The following THADA variants were observed in gnomAD, a reference collection of about 807,000 sequenced individuals.
The protein encoded by THADA is THADA armadillo repeat containing.
In THADA, 213 loss-of-function variants were observed where a neutral mutation model predicts 219.8. The observed-to-expected ratio is 0.97, with a 90% confidence interval of 0.87 to 1.09. THADA has a LOEUF of 1.09. Ranked by LOEUF, THADA falls within the 50% of genes least tolerant of loss-of-function variation. THADA has a pLI of 0.00. For synonymous variants in THADA, 1,018 were observed against 828.9 expected (o/e 1.23, Z -3.92); for missense variants, 2,956 against 2,311.3 (o/e 1.28, Z -5.72).
At chr2:43,337,698 C>A (rs922755798) in intron 30 of THADA, among the ~76,000 whole-genome samples, 26 of 150,276 alleles carry the variant, frequency 1.7e-4, no homozygotes, top group Non-Finnish European at 3.0e-5. Flanking sequence ...CACTCATACA[C>A]ACACACACAC....
At position 43,287,413 on chromosome 2, in the gene THADA, G is replaced by C. The variant is rs544654366; in HGVS notation, c.5011-352C>G. ...GGGTTAAAGTGATTCTCTTGCTTCA[G>C]CCTTCCGAGTAGCTGAAAGTACAGG... On this transcript the variant is annotated intron_variant, in intron 34 of 37. Transcript: ENST00000405975. Among the ~76,000 whole-genome samples, 14 of 152,216 alleles carry C rather than the reference G, an allele frequency of 9.2e-5. 2 individuals carry two copies. In the East Asian group the frequency reaches 2.7e-3, roughly 29 times the overall value.
At chr2:43,337,769 C>A (rs1254009742) in intron 30 of THADA, among the ~76,000 whole-genome samples, 1 of 151,888 alleles carries the variant, frequency 6.6e-6, no homozygotes, top group East Asian at 1.9e-4. Context: ...CGACACTAAA[C>A]AAATGGGAAA....
At chr2:43,382,997 A>G (rs1672223774) in intron 29 of THADA, among the ~76,000 whole-genome samples, 1 of 152,204 alleles carries the variant, frequency 6.6e-6, no homozygotes, top group African/African-American at 2.4e-5. Flanking sequence ...CTCAATATCA[A>G]TGTTTTAATT....
intron 22 of THADA, among the ~76,000 whole-genome samples, chr2:43,522,907 C>A (rs571809499): frequency 1.3e-5 from 2 of 150,928 alleles, no homozygotes; most frequent in South Asian, 2.1e-4. Flanking sequence ...GGCAACACAG[C>A]GAGACTCCAT....
At chr2:43,584,956 C>G (rs967646714) in intron 7 of THADA, among the ~76,000 whole-genome samples, 1 of 152,206 alleles carries the variant, frequency 6.6e-6, no homozygotes, top group East Asian at 1.9e-4. Context: ...AATACATGCA[C>G]AGTGCACGCC....
chr2:43,443,392 T>C (rs1681097585), intron 26 of THADA, among the ~76,000 whole-genome samples: 1 of 152,188 alleles, frequency 6.6e-6, no homozygotes, highest in South Asian at 2.1e-4. Flanking sequence ...CTGCCAGAGC[T>C]TGAAATGTTC....
At chr2:43,566,245 A>C (rs780782962) in intron 15 of THADA, 1 of 486,624 alleles carries the variant, frequency 2.1e-6, no homozygotes, top group Non-Finnish European at 3.7e-6. Context: ...TTACATCCTC[A>C]TATTGTCTTT....
At chr2:43,508,816 G>A (rs751053958) in intron 22 of THADA, 36 bp from the exon 23 acceptor site, 10 of 1,605,360 alleles carry the variant, frequency 6.2e-6, no homozygotes, top group African/African-American at 1.3e-5. Flanking sequence ...TCGGAATTAG[G>A]TATCAAAGTT....
intron 31 of THADA, among the ~76,000 whole-genome samples, chr2:43,310,201 C>A (rs1352589297): frequency 2.5e-5 from 2 of 80,092 alleles, no homozygotes; most frequent in African/African-American, 5.5e-5. Context: ...TTTCTTTCCT[C>A]CCTCCCTCCC....
chr2:43,589,674 A>T (rs1456038548), intron 4 of THADA, among the ~76,000 whole-genome samples: 2 of 152,152 alleles, frequency 1.3e-5, no homozygotes, highest in African/African-American at 4.8e-5. Flanking sequence ...GCCTTTGGAG[A>T]CTCAGGGGAA....
At chr2:43,586,616 A>T in intron 6 of THADA, 86 bp downstream of exon 6, 1 of 1,449,944 alleles carries the variant, frequency 6.9e-7, no homozygotes, top group Non-Finnish European at 9.4e-7. Context: ...TGCTCTACCT[A>T]TTACCAAGAA....
chr2:43,583,917 G>A (rs963501870), intron 7 of THADA, among the ~76,000 whole-genome samples: 1 of 151,774 alleles, frequency 6.6e-6, no homozygotes, highest in African/African-American at 2.4e-5. Context: ...GCGGACGTCT[G>A]TGGGCCCAGC....
chr2:43,505,883 C>G, intron 23 of THADA, 148 bp from the exon 24 acceptor site: 1 of 627,100 alleles, frequency 1.6e-6, no homozygotes, highest in Non-Finnish European at 2.8e-6. Context: ...TGGCCGTGGG[C>G]AAGTGGTTTA....
intron 29 of THADA, among the ~76,000 whole-genome samples, chr2:43,388,870 T>A (rs1354375954): frequency 6.6e-6 from 1 of 152,178 alleles, no homozygotes; most frequent in Non-Finnish European, 1.5e-5. Context: ...TTAAACACAT[T>A]TTTCTTTAGC....
At chr2:43,453,072 G>A (rs1032174115) in intron 26 of THADA, among the ~76,000 whole-genome samples, 9 of 152,210 alleles carry the variant, frequency 5.9e-5, no homozygotes, top group African/African-American at 2.2e-4. Flanking sequence ...TTATTTACAA[G>A]AAAAATAAAC....
chr2:43,589,232 T>G (rs113182147), intron 4 of THADA, among the ~76,000 whole-genome samples: 1 of 152,124 alleles, frequency 6.6e-6, no homozygotes, highest in African/African-American at 2.4e-5. Context: ...CAAATGTCCA[T>G]TGAAAGATGC....
intron 29 of THADA, among the ~76,000 whole-genome samples, chr2:43,370,973 C>T (rs1303374087): frequency 6.6e-6 from 1 of 152,184 alleles, no homozygotes; most frequent in Non-Finnish European, 1.5e-5. Flanking sequence ...GTAAACTCCA[C>T]AGTAACAAAA....
intron 26 of THADA, among the ~76,000 whole-genome samples, chr2:43,453,554 G>T (rs1338135970): frequency 1.3e-5 from 2 of 152,174 alleles, no homozygotes; most frequent in Non-Finnish European, 2.9e-5. Flanking sequence ...TAAGTAGGTT[G>T]GTTTCTGTAT....
chr2:43,382,882 C>G (rs1265991685), intron 29 of THADA, among the ~76,000 whole-genome samples: 2 of 152,130 alleles, frequency 1.3e-5, no homozygotes, highest in Non-Finnish European at 2.9e-5. Flanking sequence ...TACCACATTA[C>G]TATACCACAA....
Sources: gnomAD v4.1 joint callset for allele counts (sites outside exome capture counted in the v4.1 genomes callset) on GRCh38, gnomAD v4.1.1 for gene constraint, MANE v1.5 for transcripts, NCBI Gene and HGNC (gene_info 2026-07-23, HGNC 2026-07-21) for gene names.